AKAP7: variants seen among roughly 807,000 people sequenced by gnomAD.
The protein encoded by AKAP7 is A-kinase anchoring protein 7.
Under a neutral mutation model 39.5 loss-of-function variants are expected in AKAP7, and 39 were observed. That is an observed-to-expected ratio of 0.99 (90% confidence interval 0.76 to 1.29). The LOEUF is 1.29. Ranked by LOEUF, AKAP7 falls within the 50% of genes most tolerant of loss-of-function variation. AKAP7 has a pLI of 0.00. For missense variants in AKAP7, 414 were observed against 407.7 expected (o/e 1.02, Z -0.13); for synonymous variants, 140 against 139.1 (o/e 1.01, Z -0.05).
At chr6:131,218,753 A>G (rs1183018950) in intron 6 of AKAP7, among the ~76,000 whole-genome samples, 1 of 152,166 alleles carries the variant, frequency 6.6e-6, no homozygotes, top group Admixed American at 6.6e-5. Flanking sequence ...CTGCTAAGAA[A>G]ATACACTGAA....
At chr6:131,166,864 T>C (rs972782987) in intron 4 of AKAP7, among the ~76,000 whole-genome samples, 1 of 152,226 alleles carries the variant, frequency 6.6e-6, no homozygotes, top group Non-Finnish European at 1.5e-5. Context: ...TTGTCCTATA[T>C]TGATTCCTAA....
chr6:131,166,482 T>G (rs1441755297), intron 4 of AKAP7, among the ~76,000 whole-genome samples: 1 of 152,184 alleles, frequency 6.6e-6, no homozygotes, highest in Non-Finnish European at 1.5e-5. Context: ...GTAGAGAGAT[T>G]TATTTTAAAG....
the AKAP7 span, among the ~76,000 whole-genome samples, chr6:131,128,764 G>A: frequency 6.7e-6 from 1 of 149,006 alleles, no homozygotes; most frequent in African/African-American, 2.5e-5. Context: ...GGAGGTTGCA[G>A]TGAGCTGAGA....
chr6:131,176,226 G>T (rs1585015354), intron 5 of AKAP7, among the ~76,000 whole-genome samples: 1 of 151,724 alleles, frequency 6.6e-6, no homozygotes, highest in East Asian at 1.9e-4. Context: ...AGCAGGTAAG[G>T]TGTATGGCAT....
intron 7 of AKAP7, among the ~76,000 whole-genome samples, chr6:131,240,664 C>A (rs941236504): frequency 1.3e-5 from 2 of 152,166 alleles, no homozygotes; most frequent in African/African-American, 4.8e-5. Flanking sequence ...GACTGCTGTG[C>A]TAGCAATGAG....
At chr6:131,256,806 T>C (rs1439170401) in intron 7 of AKAP7, among the ~76,000 whole-genome samples, 1 of 151,610 alleles carries the variant, frequency 6.6e-6, no homozygotes, top group Non-Finnish European at 1.5e-5. Context: ...TCCCAGAGTA[T>C]TGGGATTATA....
At chr6:131,232,386 C>T (rs1423196493) in intron 7 of AKAP7, among the ~76,000 whole-genome samples, 2 of 152,142 alleles carry the variant, frequency 1.3e-5, no homozygotes, top group Non-Finnish European at 2.9e-5. Context: ...AAGCCATTAA[C>T]ATAATAATGA....
intron 3 of AKAP7, among the ~76,000 whole-genome samples, chr6:131,164,057 G>A (rs944933988): frequency 2.0e-5 from 3 of 152,126 alleles, no homozygotes; most frequent in Admixed American, 6.6e-5. Flanking sequence ...ATCACATTCC[G>A]CAGATAATGG....
At chr6:131,211,460 T>G (rs910161817) in intron 6 of AKAP7, among the ~76,000 whole-genome samples, 2 of 151,982 alleles carry the variant, frequency 1.3e-5, no homozygotes, top group African/African-American at 4.8e-5. Context: ...TGACTCTGAG[T>G]GCATTAGGAA....
intron 6 of AKAP7, 106 bp downstream of exon 6, chr6:131,199,679 T>A (rs2128281309): frequency 2.1e-6 from 2 of 934,510 alleles, no homozygotes; most frequent in East Asian, 5.3e-5. Flanking sequence ...CTACTCTTGC[T>A]TCTGGGTTTC....
At chr6:131,249,793 A>T (rs1034294865) in intron 7 of AKAP7, among the ~76,000 whole-genome samples, 1 of 152,184 alleles carries the variant, frequency 6.6e-6, no homozygotes, top group Admixed American at 6.5e-5. Flanking sequence ...TCAGTGATGC[A>T]TCTATATTTG....
intron 6 of AKAP7, among the ~76,000 whole-genome samples, chr6:131,203,888 T>A (rs1807849179): frequency 6.6e-6 from 1 of 152,182 alleles, no homozygotes; most frequent in Non-Finnish European, 1.5e-5. Context: ...TTTCTTTGGG[T>A]GGATATGCCA....
chr6:131,203,290 G>A (rs1004325239), intron 6 of AKAP7, among the ~76,000 whole-genome samples: 2 of 151,754 alleles, frequency 1.3e-5, no homozygotes, highest in African/African-American at 4.8e-5. Flanking sequence ...TTCTTCTCTC[G>A]GCACTAATTT....
intron 5 of AKAP7, among the ~76,000 whole-genome samples, chr6:131,175,400 T>C (rs1804480907): frequency 6.6e-6 from 1 of 152,188 alleles, no homozygotes. Context: ...TGGAGAGAGT[T>C]TTTAGATTTA....
In AKAP7 at chr6:131,219,559, C is replaced by T. The variant is rs986493112; in HGVS notation, c.703-102C>T. 4 of 1,062,860 alleles carry T rather than the reference C, an allele frequency of 3.8e-6. No individual in the cohort carries two copies. In the African/African-American group the frequency reaches 6.7e-5, roughly 18 times the overall value. 65.8% of individuals were successfully genotyped at this position (1,062,860 alleles called of 1,614,324 possible). A position where few individuals can be genotyped will look rare whatever the true frequency, so the allele number is the denominator to read the frequency against. Reference sequence around the variant, plus strand: ...CAAGTGCCAGTAGGCAGTGGTGTAACAATGTAGTAATGTAATAATCAGGTT... The same window carrying T: ...CAAGTGCCAGTAGGCAGTGGTGTAATAATGTAGTAATGTAATAATCAGGTT... On this transcript the variant is annotated intron_variant, in intron 6 of 7. Transcript: ENST00000431975.
chr6:131,183,266 C>T (rs1805461258), intron 5 of AKAP7, among the ~76,000 whole-genome samples: 1 of 152,152 alleles, frequency 6.6e-6, no homozygotes, highest in African/African-American at 2.4e-5. Flanking sequence ...GTCAGTGCCA[C>T]TAAGCAGAAA....
chr6:131,254,466 A>G (rs913894768), intron 7 of AKAP7, among the ~76,000 whole-genome samples: 2 of 152,258 alleles, frequency 1.3e-5, no homozygotes, highest in Non-Finnish European at 2.9e-5. Flanking sequence ...AAACCTCACA[A>G]GAAAACTTAA....
rs1456051285 is a variant in AKAP7, at chr6:131,135,531, T to C, written c.-233T>C. 17 of 176,736 alleles carry C rather than the reference T, an allele frequency of 9.6e-5. 1 individual carries two copies. The South Asian group carries it at 2.4e-3, about 25-fold the overall frequency. 10.9% of individuals were successfully genotyped at this position (176,736 alleles called of 1,614,324 possible). ...CGGCTGCTGCGGCTGCCGCCGCCGC[T>C]GCTGCCGCTGCCGCGGGGGCTGCGG... On this transcript the variant is annotated 5_prime_UTR_variant, in exon 1 of 8. Transcript: ENST00000431975.
At chr6:131,209,644 G>T (rs2128290127) in intron 6 of AKAP7, among the ~76,000 whole-genome samples, 1 of 152,238 alleles carries the variant, frequency 6.6e-6, no homozygotes, top group South Asian at 2.1e-4. Flanking sequence ...AATTAAAATT[G>T]CATGTGTTTG....
Sources: allele counts gnomAD v4.1 joint callset (sites outside exome capture counted in the v4.1 genomes callset), GRCh38; gene constraint gnomAD v4.1.1; transcripts MANE v1.5; gene names NCBI Gene and HGNC (gene_info 2026-07-23, HGNC 2026-07-21).